The following KCND2 variants were observed in gnomAD, a reference collection of about 807,000 sequenced individuals.
KCND2 encodes the protein potassium voltage-gated channel subfamily D member 2, also known as A-type voltage-gated potassium channel KCND2.
A neutral mutation model predicts 54.4 loss-of-function variants in KCND2; 16 were observed. That is an observed-to-expected ratio of 0.29 (90% confidence interval 0.20 to 0.45). KCND2 has a LOEUF of 0.45. KCND2 is among the 20% of genes least tolerant of loss of function. KCND2 has a pLI of 1.00. For synonymous variants in KCND2, 317 were observed against 310.7 expected, an observed-to-expected ratio of 1.02 and a Z score of -0.21; for missense variants, 486 against 824.2, an observed-to-expected ratio of 0.59 and a Z score of 5.02.
chr7:120,601,448 G>A (rs896210704), intron 1 of KCND2, among the ~76,000 whole-genome samples: 3 of 151,798 alleles, frequency 2.0e-5, no homozygotes, highest in Admixed American at 2.0e-4. Context: ...GACATTCAAA[G>A]TAGAATAGCA....
chr7:120,537,457 A>G (rs1309959889), intron 1 of KCND2, among the ~76,000 whole-genome samples: 2 of 152,200 alleles, frequency 1.3e-5, no homozygotes, highest in Non-Finnish European at 2.9e-5. Context: ...AAATGAAGTC[A>G]CCAGCTGCAT....
chr7:120,430,803 A>G (rs1253225216), intron 1 of KCND2, among the ~76,000 whole-genome samples: 1 of 152,208 alleles, frequency 6.6e-6, no homozygotes, highest in Non-Finnish European at 1.5e-5. Context: ...TAAGCCACAC[A>G]TTAAATTTGC....
Position 120,382,807 on chromosome 7 carries a change from T to C in KCND2, c.1115+107060T>C, listed in dbSNP as rs1457833240. Reference sequence around the variant, plus strand: ...TGGAGCAACTCCAAGGATTACTCTTTGATTATGTTTTAGATCACCTTTCTT... The same window carrying C: ...TGGAGCAACTCCAAGGATTACTCTTCGATTATGTTTTAGATCACCTTTCTT... On this transcript the variant is annotated intron_variant, in intron 1 of 5. Transcript: ENST00000331113. Among the ~76,000 whole-genome samples the C allele has an allele frequency of 2.0e-5, 3 of 151,884 alleles. No individual in the cohort carries two copies. In the East Asian group the frequency reaches 5.8e-4, roughly 29 times the overall value.
intron 1 of KCND2, among the ~76,000 whole-genome samples, chr7:120,584,004 A>G (rs763731923): frequency 6.6e-6 from 1 of 152,256 alleles, no homozygotes; most frequent in Non-Finnish European, 1.5e-5. Flanking sequence ...CTGCCATTTC[A>G]GTGAAGAAAA....
intron 1 of KCND2, among the ~76,000 whole-genome samples, chr7:120,668,497 AT>A (rs1193651460): frequency 6.6e-6 from 1 of 152,014 alleles, no homozygotes; most frequent in African/African-American, 2.4e-5. Context: ...ATACATCCGA[AT>A]TGTCCTTTAT....
chr7:120,710,899 A>G (rs1166472936), intron 1 of KCND2, among the ~76,000 whole-genome samples: 4 of 152,110 alleles, frequency 2.6e-5, no homozygotes, highest in African/African-American at 7.2e-5. Flanking sequence ...ACCAAACTAG[A>G]ACTATTATAT....
At chr7:120,315,152 T>C (rs10277491) in intron 1 of KCND2, among the ~76,000 whole-genome samples, 11,525 of 152,236 alleles carry the variant, frequency 0.076, 940 homozygotes, top group African/African-American at 0.2. Context: ...TTCAGATCCA[T>C]GCAAGCTTGA....
intron 1 of KCND2, among the ~76,000 whole-genome samples, chr7:120,634,948 G>A (rs1793285695): frequency 6.6e-6 from 1 of 152,078 alleles, no homozygotes; most frequent in South Asian, 2.1e-4. Context: ...TCACATCTCA[G>A]CTACATCATG....
chr7:120,401,422 A>G (rs1055175055), intron 1 of KCND2, among the ~76,000 whole-genome samples: 1 of 152,156 alleles, frequency 6.6e-6, no homozygotes, highest in Non-Finnish European at 1.5e-5. Flanking sequence ...TAAAACATTT[A>G]TACTTTCTAA....
intron 1 of KCND2, among the ~76,000 whole-genome samples, chr7:120,339,469 TAGTG>T (rs1800207044): frequency 6.6e-6 from 1 of 151,880 alleles, no homozygotes; most frequent in South Asian, 2.1e-4. Flanking sequence ...ATATTTCAAT[TAGTG>T]AGGACAGATT....
At chr7:120,459,202 C>T (rs1176807163) in intron 1 of KCND2, among the ~76,000 whole-genome samples, 1 of 152,100 alleles carries the variant, frequency 6.6e-6, no homozygotes, top group East Asian at 1.9e-4. Context: ...CCCTCATTCC[C>T]TGAACTCCAG....
chr7:120,320,996 A>G (rs187459856), intron 1 of KCND2, among the ~76,000 whole-genome samples: 1 of 152,282 alleles, frequency 6.6e-6, no homozygotes, highest in East Asian at 1.9e-4. Flanking sequence ...TTTCGAATCT[A>G]GGTCAGAAGT....
intron 1 of KCND2, among the ~76,000 whole-genome samples, chr7:120,508,270 T>C (rs890848145): frequency 1.3e-5 from 2 of 151,988 alleles, no homozygotes; most frequent in East Asian, 3.9e-4. Flanking sequence ...GAGTTTAATA[T>C]TCTGTTAGAA....
chr7:120,403,482 A>ATTT (rs528759246), intron 1 of KCND2, among the ~76,000 whole-genome samples: 13,229 of 130,766 alleles, frequency 0.1, 675 homozygotes, highest in Admixed American at 0.12. Context: ...GGCCCGGCTA[A>ATTT]TTTTTTTTTT....
intron 1 of KCND2, among the ~76,000 whole-genome samples, chr7:120,509,383 A>G (rs1278562748): frequency 6.6e-5 from 10 of 152,102 alleles, no homozygotes; most frequent in Non-Finnish European, 1.3e-4. Flanking sequence ...ATATATGTAT[A>G]TACGCTCTGG....
At chr7:120,416,777 CA>C (rs200783464) in intron 1 of KCND2, among the ~76,000 whole-genome samples, 494 of 112,238 alleles carry the variant, frequency 4.4e-3, no homozygotes, top group Middle Eastern at 0.016. Context: ...CATAGACTAG[CA>C]AAAAAAAAAA....
chr7:120,317,017 A>G (rs1031347812), intron 1 of KCND2, among the ~76,000 whole-genome samples: 66 of 151,990 alleles, frequency 4.3e-4, no homozygotes, highest in African/African-American at 1.5e-3. Flanking sequence ...TTGTATTTTT[A>G]GTAGAGACTA....
chr7:120,637,282 C>T (rs1277256615), intron 1 of KCND2, among the ~76,000 whole-genome samples: 1 of 152,016 alleles, frequency 6.6e-6, no homozygotes, highest in Non-Finnish European at 1.5e-5. Context: ...ACAAAAAGTC[C>T]AGGCATTAAG....
chr7:120,724,303 G>T (rs1792705396), intron 1 of KCND2, among the ~76,000 whole-genome samples: 1 of 152,108 alleles, frequency 6.6e-6, no homozygotes, highest in South Asian at 2.1e-4. Context: ...AGCAAAGGGA[G>T]AGTGGATACT....
Sources: allele counts gnomAD v4.1 joint callset (sites outside exome capture counted in the v4.1 genomes callset), GRCh38; gene constraint gnomAD v4.1.1; transcripts MANE v1.5; gene names NCBI Gene and HGNC (gene_info 2026-07-23, HGNC 2026-07-21).